Variants in XKR9 observed in about 807,000 individuals in gnomAD.
The protein encoded by XKR9 is XK related 9, also known as XK-related protein 9.
XKR9 carries 32 observed loss-of-function variants against 32.0 expected under a neutral mutation model. The ratio of observed to expected loss-of-function variants is 1.00; its 90% CI spans 0.76 to 1.34. XKR9 has a LOEUF of 1.34. Ranked by LOEUF, XKR9 falls within the 40% of genes most tolerant of loss-of-function variation. The probability of loss-of-function intolerance (pLI) is 0.00; values close to 1 mark genes in which losing one functional copy is unlikely to be tolerated. For synonymous variants in XKR9, 168 were observed against 143.4 expected (o/e 1.17, Z -1.22); for missense variants, 546 against 429.7 (o/e 1.27, Z -2.39).
intron 3 of XKR9, among the ~76,000 whole-genome samples, chr8:70,685,045 C>T (rs1308597863): frequency 4.7e-5 from 7 of 147,888 alleles, no homozygotes; most frequent in African/African-American, 1.2e-4. Context: ...CACGTGCACA[C>T]GTATGTTGAT....
chr8:70,976,181 T>C, the XKR9 span, among the ~76,000 whole-genome samples: 4 of 152,228 alleles, frequency 2.6e-5, no homozygotes, highest in Admixed American at 6.5e-5. Context: ...AATCATGTCA[T>C]CTGCAGAGAG....
At chr8:71,032,679 A>G in the XKR9 span, among the ~76,000 whole-genome samples, 45 of 152,240 alleles carry the variant, frequency 3.0e-4, no homozygotes, top group Admixed American at 2.6e-4. Context: ...CAATTTTGTC[A>G]GATGATTCTT....
rs755538804 is a variant in XKR9, at chr8:70,707,134, A to G, written c.474A>G (p.Gly158=). Residue 158 remains glycine (G), a synonymous_variant, in exon 4 of 5, where the codon GGA becomes GGG. Coordinates refer to ENST00000408926, the MANE Select transcript of XKR9 (RefSeq NM_001011720.2). The part of the protein sequence containing the change: ...ILQLYILLEH[G]QANFSQYAAI... ...AACTCTACATTCTTCTGGAGCATGG[A>G]CAAGCGAATTTCAGTCAGTGTAAGT... 2.5e-6 allele frequency: 4 copies of G among 1,612,816 alleles called. No individual in the cohort carries two copies. Among genetic ancestry groups the G allele is most frequent in the Non-Finnish European group, 3.4e-6 (4 of 1,179,056 alleles).
At chr8:70,909,445 T>G in the XKR9 span, among the ~76,000 whole-genome samples, 1 of 152,140 alleles carries the variant, frequency 6.6e-6, no homozygotes, top group Non-Finnish European at 1.5e-5. Context: ...GGTCAGATGG[T>G]CCCACTCTGT....
At chr8:70,787,832 C>A (rs1807708748) in intron 2 of XKR9, among the ~76,000 whole-genome samples, 1 of 151,838 alleles carries the variant, frequency 6.6e-6, no homozygotes, top group Non-Finnish European at 1.5e-5. Flanking sequence ...GGCAATTTTT[C>A]TAGATTAATG....
chr8:70,847,898 A>T, the XKR9 span, among the ~76,000 whole-genome samples: 1 of 152,056 alleles, frequency 6.6e-6, no homozygotes, highest in African/African-American at 2.4e-5. Context: ...TCTTATAAAA[A>T]CTACTATCAA....
At chr8:71,052,272 T>C in the XKR9 span, among the ~76,000 whole-genome samples, 1 of 152,222 alleles carries the variant, frequency 6.6e-6, no homozygotes, top group African/African-American at 2.4e-5. Flanking sequence ...GCCTGCTGTT[T>C]AGACTTAGAC....
intron 2 of XKR9, among the ~76,000 whole-genome samples, chr8:70,762,507 G>A (rs2130211781): frequency 6.6e-6 from 1 of 152,262 alleles, no homozygotes; most frequent in African/African-American, 2.4e-5. Flanking sequence ...CAGATTGTCT[G>A]CTCCTTATGA....
chr8:70,750,549 A>G (rs904909190), intron 2 of XKR9, among the ~76,000 whole-genome samples: 1 of 152,196 alleles, frequency 6.6e-6, no homozygotes, highest in Non-Finnish European at 1.5e-5. Context: ...TAAAAATTGC[A>G]GGTAAAATAA....
the XKR9 span, among the ~76,000 whole-genome samples, chr8:70,823,096 G>T: frequency 6.6e-6 from 1 of 152,114 alleles, no homozygotes; most frequent in Middle Eastern, 3.2e-3. Context: ...TGTTCAGTTT[G>T]CCTTCTGAGA....
At chr8:70,752,353 A>G (rs895947213) in intron 2 of XKR9, among the ~76,000 whole-genome samples, 1 of 152,222 alleles carries the variant, frequency 6.6e-6, no homozygotes, top group Non-Finnish European at 1.5e-5. Context: ...TTACGATTTT[A>G]GAGGCTGGGT....
At chr8:70,747,813 G>A (rs560405404) in intron 2 of XKR9, among the ~76,000 whole-genome samples, 125 of 152,220 alleles carry the variant, frequency 8.2e-4, no homozygotes, top group African/African-American at 2.9e-3. Flanking sequence ...TTGATTCCTA[G>A]ACTTGACATT....
At chr8:70,836,387 G>T in the XKR9 span, among the ~76,000 whole-genome samples, 1 of 152,020 alleles carries the variant, frequency 6.6e-6, no homozygotes, top group Non-Finnish European at 1.5e-5. Flanking sequence ...TTCTGTGTGT[G>T]TGTATTTACT....
chr8:70,908,426 C>T, the XKR9 span, among the ~76,000 whole-genome samples: 13 of 152,160 alleles, frequency 8.5e-5, no homozygotes, highest in South Asian at 2.7e-3. Context: ...AAGAAGCTCA[C>T]CAGGGAGTTT....
At chr8:70,724,909 T>C (rs2132225284) in intron 4 of XKR9, among the ~76,000 whole-genome samples, 1 of 152,314 alleles carries the variant, frequency 6.6e-6, no homozygotes, top group African/African-American at 2.4e-5. Context: ...TATGTTCTCA[T>C]GCTTCTATAA....
the XKR9 span, among the ~76,000 whole-genome samples, chr8:70,996,185 C>A: frequency 6.6e-6 from 1 of 152,170 alleles, no homozygotes; most frequent in Non-Finnish European, 1.5e-5. Flanking sequence ...ACATGCAGAA[C>A]AGTACCTAGA....
the XKR9 span, among the ~76,000 whole-genome samples, chr8:70,858,325 GACAA>G: frequency 3.3e-4 from 50 of 152,024 alleles, no homozygotes; most frequent in Admixed American, 3.3e-3. Flanking sequence ...ACCAATAACA[GACAA>G]ACAGAGAGCC....
chr8:70,848,598 T>C, the XKR9 span, among the ~76,000 whole-genome samples: 1 of 151,842 alleles, frequency 6.6e-6, no homozygotes, highest in Non-Finnish European at 1.5e-5. Context: ...AGTTACAAAA[T>C]ACAAAATTGT....
chr8:70,740,904 T>C (rs190414987), downstream of XKR9, among the ~76,000 whole-genome samples: 1 of 152,332 alleles, frequency 6.6e-6, no homozygotes, highest in African/African-American at 2.4e-5. Context: ...GTTAGGCTGC[T>C]CGGGGTCAGG....
Sources: gnomAD v4.1 joint callset for allele counts (sites outside exome capture counted in the v4.1 genomes callset) on GRCh38, gnomAD v4.1.1 for gene constraint, MANE v1.5 for transcripts, NCBI Gene and HGNC (gene_info 2026-07-23, HGNC 2026-07-21) for gene names.